HLCS: variants seen among roughly 807,000 people sequenced by gnomAD.
The protein encoded by HLCS is holocarboxylase synthetase.
HLCS carries 53 observed loss-of-function variants against 75.0 expected under a neutral mutation model. The observed-to-expected ratio is 0.71, with a 90% CI of 0.57 to 0.89. The LOEUF is 0.89. Among genes scored for constraint, HLCS ranks in the 40% least tolerant of loss-of-function variants. The probability of loss-of-function intolerance (pLI) is 0.00; values close to 1 mark genes in which losing one functional copy is unlikely to be tolerated. For missense variants in HLCS, 966 were observed against 1,074.0 expected, an observed-to-expected ratio of 0.90 and a Z score of 1.41; for synonymous variants, 431 against 428.6, an observed-to-expected ratio of 1.01 and a Z score of -0.07.
chr21:36,944,647 G>A (rs1194734871), intron 2 of HLCS, among the ~76,000 whole-genome samples: 1 of 151,990 alleles, frequency 6.6e-6, no homozygotes, highest in Admixed American at 6.6e-5. Context: ...TTCAGCTAAT[G>A]AGATTTAGTC....
intron 1 of HLCS, among the ~76,000 whole-genome samples, chr21:36,965,746 T>TC (rs1805323231): frequency 6.6e-6 from 1 of 150,996 alleles, no homozygotes; most frequent in African/African-American, 2.4e-5. Context: ...TTTTTTTTTT[T>TC]CTTAAGACAG....
intron 6 of HLCS, among the ~76,000 whole-genome samples, chr21:36,789,855 T>C (rs1273138135): frequency 6.6e-6 from 1 of 152,250 alleles, no homozygotes; most frequent in Non-Finnish European, 1.5e-5. Context: ...CAATATTCCA[T>C]TGAGTGAGTG....
intron 6 of HLCS, among the ~76,000 whole-genome samples, chr21:36,825,956 C>T (rs2061994554): frequency 6.6e-6 from 1 of 152,058 alleles, no homozygotes; most frequent in Admixed American, 6.6e-5. Context: ...CTCCCAACAA[C>T]CAAGGAATAG....
intron 1 of HLCS, among the ~76,000 whole-genome samples, chr21:36,983,062 A>G (rs1214290843): frequency 6.6e-6 from 1 of 152,078 alleles, no homozygotes; most frequent in Non-Finnish European, 1.5e-5. Context: ...AAAACAAAAA[A>G]ACTCTGGCGT....
At chr21:36,782,193 T>C (rs1307651542) in intron 6 of HLCS, among the ~76,000 whole-genome samples, 3 of 152,328 alleles carry the variant, frequency 2.0e-5, no homozygotes, top group African/African-American at 2.4e-5. Flanking sequence ...TTGAAAATTT[T>C]CCTTCATTTT....
At chr21:36,908,765 G>A (rs1442000529) in intron 5 of HLCS, among the ~76,000 whole-genome samples, 4 of 152,168 alleles carry the variant, frequency 2.6e-5, no homozygotes, top group East Asian at 3.8e-4. Context: ...TCAAAAAAAA[G>A]AAGGGTATCC....
At chr21:36,931,576 C>T (rs1288534476) in intron 4 of HLCS, among the ~76,000 whole-genome samples, 1 of 151,836 alleles carries the variant, frequency 6.6e-6, no homozygotes, top group Admixed American at 6.6e-5. Context: ...ATAGTGAAAC[C>T]CTGTCTCTAC....
At chr21:36,939,108 CA>C in intron 2 of HLCS, 114 bp from the exon 3 acceptor site, 8 of 901,946 alleles carry the variant, frequency 8.9e-6, no homozygotes, top group Non-Finnish European at 1.3e-5. Context: ...AAATTACAGT[CA>C]TTAATAACAA....
chr21:36,851,979 G>A (rs1184627067), intron 6 of HLCS: 2 of 152,266 alleles, frequency 1.3e-5, no homozygotes, highest in Non-Finnish European at 2.9e-5. Context: ...GGTTGGGCCT[G>A]GCTAGTACTT....
intron 2 of HLCS, among the ~76,000 whole-genome samples, chr21:36,961,200 C>T (rs945367666): frequency 5.3e-5 from 8 of 152,236 alleles, no homozygotes; most frequent in African/African-American, 1.9e-4. Flanking sequence ...TCAGAATACT[C>T]AAGGAAAGAC....
chr21:36,762,575 G>A (rs913425746), intron 8 of HLCS, among the ~76,000 whole-genome samples: 2 of 152,212 alleles, frequency 1.3e-5, no homozygotes, highest in African/African-American at 2.4e-5. Context: ...CACACAAAAA[G>A]TGAAATCCAA....
At position 36,750,628 on chromosome 21, in the gene HLCS, G is replaced by A. The variant is rs749886854; in HGVS notation, c.*3618C>T. Reference sequence around the variant, plus strand: ...TTTAATTTACCAGAGCTATAAGATGGTTAAGGTAGACTAGTGGGGACTGCT... The same window carrying A: ...TTTAATTTACCAGAGCTATAAGATGATTAAGGTAGACTAGTGGGGACTGCT... On this transcript the variant is annotated 3_prime_UTR_variant, in exon 11 of 11. Coordinates refer to ENST00000674895, the MANE Select transcript of HLCS (RefSeq NM_001352514.2). Among the ~76,000 whole-genome samples the A allele has an allele frequency of 3.3e-5, 5 of 152,016 alleles. No homozygotes were observed. The highest frequency in any genetic ancestry group is 7.4e-5 in the Non-Finnish European group (5 of 68,014).
At position 36,828,637 on chromosome 21, in the gene HLCS, A is replaced by AT. The variant is rs141359419; in HGVS notation, c.1893-61353dup. ...GGGGTTCTTCCATTCACCAGAGTTA[A>AT]TTTTTTAAGTGGATAAGCAATTAAA... On this transcript the variant is annotated intron_variant, in intron 6 of 10. Transcript: ENST00000674895. Among the ~76,000 whole-genome samples the AT allele has an allele frequency of 8.0e-3, 1,215 of 152,282 alleles. 5 individuals are homozygous for AT. Among genetic ancestry groups the AT allele is most frequent in the Non-Finnish European group, 0.014 (924 of 68,016 alleles).
In HLCS at chr21:36,956,667, T is replaced by C. The variant is rs569782720; in HGVS notation, c.330+5369A>G. Among the ~76,000 whole-genome samples the C allele has an allele frequency of 3.3e-5, 5 of 151,992 alleles. No homozygotes were observed. The South Asian group carries it at 1.0e-3, about 32-fold the overall frequency. On this transcript the variant is annotated intron_variant, in intron 2 of 10. Transcript: ENST00000674895. ...ATGGCATGAACCCGGGAGGCAGGGT[T>C]GGCAGTGAGCCGAGATCGTGCCACT...
At chr21:36,963,445 T>C (rs563531003) in intron 1 of HLCS, among the ~76,000 whole-genome samples, 1 of 152,256 alleles carries the variant, frequency 6.6e-6, no homozygotes, top group South Asian at 2.1e-4. Flanking sequence ...GTAAACATAA[T>C]TATCAATATA....
At chr21:36,828,705 G>A (rs1431701869) in intron 6 of HLCS, among the ~76,000 whole-genome samples, 1 of 151,994 alleles carries the variant, frequency 6.6e-6, no homozygotes, top group Non-Finnish European at 1.5e-5. Context: ...TAAAAGTTGT[G>A]ATCAATAAAA....
At chr21:36,855,269 G>A (rs530391236) in intron 6 of HLCS, among the ~76,000 whole-genome samples, 14 of 152,098 alleles carry the variant, frequency 9.2e-5, no homozygotes, top group Admixed American at 5.9e-4. Context: ...GGTGGCTCAC[G>A]CCTGTAATCC....
At chr21:36,870,946 T>C (rs1938127830) in intron 6 of HLCS, among the ~76,000 whole-genome samples, 1 of 152,196 alleles carries the variant, frequency 6.6e-6, no homozygotes, top group African/African-American at 2.4e-5. Context: ...AGAGGCTCTT[T>C]TGAGCAATTA....
intron 6 of HLCS, among the ~76,000 whole-genome samples, chr21:36,823,988 T>C (rs1341866209): frequency 6.6e-6 from 1 of 151,942 alleles, no homozygotes; most frequent in Non-Finnish European, 1.5e-5. Context: ...GTAGAATTAG[T>C]ACAAAAATAA....
Sources: allele counts gnomAD v4.1 joint callset (sites outside exome capture counted in the v4.1 genomes callset), GRCh38; gene constraint gnomAD v4.1.1; transcripts MANE v1.5; gene names NCBI Gene and HGNC (gene_info 2026-07-23, HGNC 2026-07-21).